The following LY96 variants were observed in gnomAD, a reference collection of about 807,000 sequenced individuals.
LY96 encodes the protein myeloid differentiation protein-2.
In LY96, 18 loss-of-function variants were observed where a neutral mutation model predicts 18.9. That is an observed-to-expected ratio of 0.95 (90% CI 0.66 to 1.41). The LOEUF is 1.41. LY96 is among the 40% of genes most tolerant of loss of function. The probability of loss-of-function intolerance (pLI) is 0.00; values close to 1 mark genes in which losing one functional copy is unlikely to be tolerated. For missense variants in LY96, 175 were observed against 182.4 expected, an observed-to-expected ratio of 0.96 and a Z score of 0.23; for synonymous variants, 66 against 62.6, an observed-to-expected ratio of 1.06 and a Z score of -0.26.
the LY96 span, among the ~76,000 whole-genome samples, chr8:74,084,429 T>G: frequency 1.3e-5 from 2 of 152,242 alleles, no homozygotes; most frequent in African/African-American, 4.8e-5. Flanking sequence ...TTTGTAACTC[T>G]GAAGTGCAGT....
chr8:74,012,055 G>A (rs1409734452), intron 3 of LY96, among the ~76,000 whole-genome samples: 2 of 152,132 alleles, frequency 1.3e-5, no homozygotes, highest in East Asian at 1.9e-4. Context: ...ATGTTAGCAA[G>A]AATATGGAGA....
chr8:74,019,112 C>CA (rs1282378805), intron 3 of LY96, among the ~76,000 whole-genome samples: 6 of 151,972 alleles, frequency 3.9e-5, no homozygotes, highest in Non-Finnish European at 7.4e-5. Flanking sequence ...AAAAACCCTT[C>CA]AAAAAATCAA....
At chr8:74,090,743 A>G in the LY96 span, among the ~76,000 whole-genome samples, 6 of 152,198 alleles carry the variant, frequency 3.9e-5, no homozygotes, top group African/African-American at 1.4e-4. Context: ...TCTTAGCTGG[A>G]GTGTATTCTG....
the LY96 span, among the ~76,000 whole-genome samples, chr8:74,067,890 G>A: frequency 6.0e-3 from 913 of 151,518 alleles, 6 homozygotes; most frequent in South Asian, 0.019. Flanking sequence ...GTAAAACCAC[G>A]ACTCTATTAA....
downstream of LY96, among the ~76,000 whole-genome samples, chr8:74,030,578 G>GT (rs1375428839): frequency 6.6e-6 from 1 of 152,146 alleles, no homozygotes; most frequent in Non-Finnish European, 1.5e-5. Flanking sequence ...AGAGAAAGCT[G>GT]TTTCTCTTTC....
chr8:74,002,760 G>A (rs1188969243), intron 1 of LY96, among the ~76,000 whole-genome samples: 1 of 151,728 alleles, frequency 6.6e-6, no homozygotes, highest in African/African-American at 2.4e-5. Context: ...TTTTCATAGA[G>A]GTGGGGTTTC....
chr8:74,090,541 T>C, the LY96 span, among the ~76,000 whole-genome samples: 1 of 152,240 alleles, frequency 6.6e-6, no homozygotes, highest in Non-Finnish European at 1.5e-5. Flanking sequence ...GTTGAAATGT[T>C]AAAGATCAGT....
In LY96 at chr8:74,013,039, C is replaced by G. The variant is rs1586654817; in HGVS notation, c.331+2910C>G. Among the ~76,000 whole-genome samples, 3 of 152,056 alleles carry G rather than the reference C, an allele frequency of 2.0e-5. No homozygotes were observed. The South Asian group carries it at 6.2e-4, about 31-fold the overall frequency. On this transcript the variant is annotated intron_variant, in intron 3 of 4. Coordinates refer to ENST00000284818, the MANE Select transcript of LY96 (RefSeq NM_015364.5). ...TGGTGCAACCATAGCTCACTGCAGC[C>G]TCAAACTCCTGGGCTGAAGTCATCA... is the stretch of plus-strand genomic sequence containing the variant.
At chr8:74,021,147 G>A (rs577236663) in intron 3 of LY96, among the ~76,000 whole-genome samples, 2 of 152,266 alleles carry the variant, frequency 1.3e-5, no homozygotes, top group East Asian at 3.9e-4. Context: ...TACAGAATGG[G>A]AGAAAATTTT....
intron 3 of LY96, among the ~76,000 whole-genome samples, chr8:74,014,124 T>C (rs1816589056): frequency 6.6e-6 from 1 of 151,938 alleles, no homozygotes; most frequent in Non-Finnish European, 1.5e-5. Flanking sequence ...ACTGATTTAA[T>C]GTGGCAGGCA....
intron 3 of LY96, among the ~76,000 whole-genome samples, chr8:74,021,363 A>G (rs1332304633): frequency 1.3e-5 from 2 of 152,240 alleles, no homozygotes; most frequent in Non-Finnish European, 2.9e-5. Flanking sequence ...AATCAAAACC[A>G]CAATGAGATA....
chr8:74,032,071 G>A (rs1816981351), downstream of LY96, among the ~76,000 whole-genome samples: 8 of 152,196 alleles, frequency 5.3e-5, no homozygotes, highest in Admixed American at 5.2e-4. Context: ...GTTGCAGTGA[G>A]CCGAAATTGT....
the LY96 span, among the ~76,000 whole-genome samples, chr8:74,094,560 T>C: frequency 6.6e-6 from 1 of 152,206 alleles, no homozygotes; most frequent in Non-Finnish European, 1.5e-5. Context: ...AAGGTTGAAT[T>C]ACTGTTATTT....
the LY96 span, among the ~76,000 whole-genome samples, chr8:74,067,017 C>G: frequency 6.6e-6 from 1 of 152,188 alleles, no homozygotes; most frequent in Non-Finnish European, 1.5e-5. Flanking sequence ...GACAGTGTGT[C>G]AGGCAAGTGT....
Position 74,018,901 on chromosome 8 carries a change from A to G in LY96, c.332-7888A>G, listed in dbSNP as rs1230341900. 2.0e-5 allele frequency among the ~76,000 whole-genome samples: 3 copies of G among 152,260 alleles called. No individual in the cohort carries two copies. In the South Asian group the frequency reaches 6.2e-4, roughly 31 times the overall value. On this transcript the variant is annotated intron_variant, in intron 3 of 4. Transcript: ENST00000284818. ...GAGAACAAAGACATAACGTACCAGA[A>G]TCTCTGGGACACATTTAAATCAGTG...
the LY96 span, among the ~76,000 whole-genome samples, chr8:74,095,181 T>C: frequency 1.3e-5 from 2 of 152,254 alleles, no homozygotes; most frequent in African/African-American, 4.8e-5. Context: ...ATCTGAGTGA[T>C]AGCTTAATTG....
At chr8:74,060,157 AACGACGACGACG>A in the LY96 span, among the ~76,000 whole-genome samples, 1 of 151,894 alleles carries the variant, frequency 6.6e-6, no homozygotes, top group Non-Finnish European at 1.5e-5. Context: ...AAACAACAAC[AACGACGACGACG>A]ACGACGACGA....
intron 3 of LY96, among the ~76,000 whole-genome samples, chr8:74,022,581 CTTTT>C (rs769379029): frequency 2.3e-5 from 3 of 133,128 alleles, no homozygotes; most frequent in South Asian, 2.4e-4. Flanking sequence ...TTCTTTTTTT[CTTTT>C]TTTTTTTTTT....
chr8:74,018,597 C>T (rs1283044436), intron 3 of LY96, among the ~76,000 whole-genome samples: 4 of 152,200 alleles, frequency 2.6e-5, no homozygotes, highest in Non-Finnish European at 5.9e-5. Flanking sequence ...CAGAACTCTC[C>T]ACCCCAAATC....
Sources: gnomAD v4.1 joint callset for allele counts (sites outside exome capture counted in the v4.1 genomes callset) on GRCh38, gnomAD v4.1.1 for gene constraint, MANE v1.5 for transcripts, NCBI Gene and HGNC (gene_info 2026-07-23, HGNC 2026-07-21) for gene names.